CHFR: variants seen among roughly 807,000 people sequenced by gnomAD.
CHFR encodes the protein checkpoint with forkhead and ring finger domains.
Under a neutral mutation model 87.6 loss-of-function variants are expected in CHFR, and 57 were observed. The ratio of observed to expected loss-of-function variants is 0.65; its 90% CI spans 0.53 to 0.81. CHFR has a LOEUF of 0.81. Ranked by LOEUF, CHFR falls within the 30% of genes least tolerant of loss-of-function variation. The probability of loss-of-function intolerance (pLI) is 0.00; values close to 1 mark genes in which losing one functional copy is unlikely to be tolerated. For missense variants in CHFR, 797 were observed against 865.8 expected, an observed-to-expected ratio of 0.92 and a Z score of 1.00; for synonymous variants, 381 against 359.2, an observed-to-expected ratio of 1.06 and a Z score of -0.69.
At chr12:132,848,376 G>C (rs563545784) in intron 13 of CHFR, 199 of 864,226 alleles carry the variant, frequency 2.3e-4, no homozygotes, top group Admixed American at 3.5e-4. Flanking sequence ...CCAGCACCTG[G>C]TCTTGGTATC....
chr12:132,887,102 C>G (rs1566211441), intron 2 of CHFR, 94 bp downstream of exon 2: 2 of 1,090,866 alleles, frequency 1.8e-6, no homozygotes, highest in East Asian at 3.2e-5. Flanking sequence ...ACGGAAAAAT[C>G]TGGAGCGCAC....
At chr12:132,880,188 G>A (rs1311927098) in intron 2 of CHFR, among the ~76,000 whole-genome samples, 5 of 152,188 alleles carry the variant, frequency 3.3e-5, no homozygotes, top group Admixed American at 2.0e-4. Context: ...ATACAGTATT[G>A]TGGCTGTGTA....
Position 132,840,816 on chromosome 12 carries a change from G to A in CHFR, c.*738C>T, listed in dbSNP as rs1025409954. 3 of 152,232 alleles carry A rather than the reference G, an allele frequency of 2.0e-5. No individual in the cohort carries two copies. Among genetic ancestry groups the A allele is most frequent in the Non-Finnish European group, 2.9e-5 (2 of 68,034 alleles). 9.4% of individuals were successfully genotyped at this position (152,232 alleles called of 1,614,324 possible). On this transcript the variant is annotated 3_prime_UTR_variant, in exon 18 of 18. Transcript: ENST00000450056. ...GGGAGCAGCATGTCCTGGGACCTGC[G>A]TCCAGCCCCAGGCTCGGGGCCGCGG...
intron 12 of CHFR, 154 bp from the exon 13 acceptor site, chr12:132,848,878 C>T: frequency 1.7e-6 from 1 of 582,734 alleles, no homozygotes; most frequent in Admixed American, 3.0e-5. Flanking sequence ...CCAGCTAACG[C>T]CACCCAGGTT....
At chr12:132,848,786 G>A (rs533396646) in intron 12 of CHFR, 62 bp from the exon 13 acceptor site, 95 of 1,238,462 alleles carry the variant, frequency 7.7e-5, no homozygotes, top group East Asian at 3.6e-4. Context: ...AACACAATTC[G>A]TCAGCACCAG....
rs367716640 is a variant in CHFR, at chr12:132,841,611, T to C, written c.1917-15A>G. On this transcript the variant is annotated splice_polypyrimidine_tract_variant and intron_variant, in intron 17 of 17. Coordinates refer to ENST00000450056, the MANE Select transcript of CHFR (RefSeq NM_001161346.2). ...GATTGAATTTCCTGCAGGGAGAAAA[T>C]GGCCAAATTACACAAGAGAGCATTG... is the stretch of plus-strand genomic sequence containing the variant. The C allele has an allele frequency of 5.0e-6, 8 of 1,610,556 alleles. No individual in the cohort carries two copies. The highest frequency in any genetic ancestry group is 8.5e-7 in the Non-Finnish European group (1 of 1,176,978).
At chr12:132,845,399 A>C (rs980198612) in intron 15 of CHFR, among the ~76,000 whole-genome samples, 1 of 151,988 alleles carries the variant, frequency 6.6e-6, no homozygotes, top group Admixed American at 6.6e-5. Flanking sequence ...CGGAGCTTGC[A>C]GGGAGCTGAG....
chr12:132,856,015 T>A (rs1407523431), intron 10 of CHFR, among the ~76,000 whole-genome samples: 2 of 152,156 alleles, frequency 1.3e-5, no homozygotes, highest in Non-Finnish European at 2.9e-5. Flanking sequence ...TGTAATAACG[T>A]CCTGACAAAT....
intron 13 of CHFR, 58 bp downstream of exon 13, chr12:132,848,583 G>T: frequency 7.4e-7 from 1 of 1,359,732 alleles, no homozygotes; most frequent in Non-Finnish European, 1.0e-6. Context: ...CTGCCCTCAA[G>T]TTCACCAAGA....
intron 2 of CHFR, among the ~76,000 whole-genome samples, chr12:132,879,180 A>G (rs996337364): frequency 2.0e-5 from 3 of 149,564 alleles, no homozygotes; most frequent in African/African-American, 7.4e-5. Context: ...AATTTTTTGT[A>G]TTTTTAGTAG....
intron 4 of CHFR, 55 bp downstream of exon 4, chr12:132,872,230 C>T (rs1429680718): frequency 1.3e-5 from 15 of 1,111,678 alleles, no homozygotes; most frequent in Middle Eastern, 2.0e-4. Context: ...TCAGAGAGCG[C>T]CCTCACGTGC....
At chr12:132,861,955 C>G (rs1261894749) in intron 6 of CHFR, 1 of 300,658 alleles carries the variant, frequency 3.3e-6, no homozygotes, top group East Asian at 6.5e-5. Flanking sequence ...TCATATGATA[C>G]ACACTGTGTC....
At chr12:132,887,167 G>A in intron 2 of CHFR, 29 bp downstream of exon 2, 3 of 1,454,246 alleles carry the variant, frequency 2.1e-6, no homozygotes, top group Non-Finnish European at 2.7e-6. Flanking sequence ...GCCCGGCCCC[G>A]GCCCCCGGCC....
At chr12:132,854,489 T>C (rs1951019012) in intron 10 of CHFR, 1 of 152,236 alleles carries the variant, frequency 6.6e-6, no homozygotes, top group Non-Finnish European at 1.5e-5. Flanking sequence ...GCTGGGGACA[T>C]TACCGAGCTG....
rs751516879 is a variant in CHFR, at chr12:132,870,818, G to A, written c.344-35C>T. 4 of 1,421,646 alleles carry A rather than the reference G, an allele frequency of 2.8e-6. No homozygotes were observed. The Admixed American group carries it at 6.9e-5, about 24-fold the overall frequency. 88.1% of individuals were successfully genotyped at this position (1,421,646 alleles called of 1,614,324 possible). On this transcript the variant is annotated intron_variant, in intron 4 of 17. Coordinates refer to ENST00000450056, the MANE Select transcript of CHFR (RefSeq NM_001161346.2). ...AATCAATCAAATCAGAAAAGTGGTG[G>A]CCCCTGTGCAAACTGAGAACTCATT...
intron 2 of CHFR, among the ~76,000 whole-genome samples, chr12:132,886,567 G>T (rs986156587): frequency 1.3e-5 from 2 of 152,186 alleles, no homozygotes; most frequent in Non-Finnish European, 2.9e-5. Flanking sequence ...TGGGAGACTG[G>T]AGGCAGTGAA....
chr12:132,860,022 G>A (rs1157456750), intron 7 of CHFR, among the ~76,000 whole-genome samples: 1 of 152,142 alleles, frequency 6.6e-6, no homozygotes, highest in African/African-American at 2.4e-5. Flanking sequence ...TCTGGCCTAG[G>A]TGACAAAGCA....
chr12:132,848,370 C>G (rs1020865332), intron 13 of CHFR: 21 of 898,734 alleles, frequency 2.3e-5, no homozygotes, highest in Admixed American at 1.0e-4. Context: ...GTCTCCCCAG[C>G]ACCTGGTCTT....
intron 7 of CHFR, among the ~76,000 whole-genome samples, chr12:132,860,101 C>T (rs377655249): frequency 2.6e-5 from 4 of 152,322 alleles, no homozygotes; most frequent in African/African-American, 9.6e-5. Context: ...CACCCTCCGT[C>T]TCAGCCGCTC....
Sources: gnomAD v4.1 joint callset for allele counts (sites outside exome capture counted in the v4.1 genomes callset) on GRCh38, gnomAD v4.1.1 for gene constraint, MANE v1.5 for transcripts, NCBI Gene and HGNC (gene_info 2026-07-23, HGNC 2026-07-21) for gene names.